CHRDL2: variants seen among roughly 807,000 people sequenced by gnomAD.
The protein encoded by CHRDL2 is chordin-like protein 2.
A neutral mutation model predicts 54.3 loss-of-function variants in CHRDL2; 41 were observed. That is an observed-to-expected ratio of 0.76 (90% CI 0.59 to 0.98). The LOEUF (loss-of-function observed/expected upper bound fraction) is 0.98. Among genes scored for constraint, CHRDL2 ranks in the 50% least tolerant of loss-of-function variants. CHRDL2 has a pLI of 0.00. For missense variants in CHRDL2, 518 were observed against 562.4 expected, an observed-to-expected ratio of 0.92 and a Z score of 0.80; for synonymous variants, 220 against 224.3, an observed-to-expected ratio of 0.98 and a Z score of 0.17.
At chr11:74,700,643 A>ATTATTAT (rs1554984229) in intron 9 of CHRDL2, among the ~76,000 whole-genome samples, 114 of 136,026 alleles carry the variant, frequency 8.4e-4, no homozygotes, top group African/African-American at 1.6e-3. Flanking sequence ...TATTATTATT[A>ATTATTAT]TTTTTTTTTT....
chr11:74,698,877 C>A (rs1311281506), intron 9 of CHRDL2: 1 of 152,314 alleles, frequency 6.6e-6, no homozygotes, highest in African/African-American at 2.4e-5. Flanking sequence ...CTGTTACCCA[C>A]CAAGGTCTCT....
In CHRDL2 at chr11:74,704,509, A is replaced by G. The variant is rs201973079; in HGVS notation, c.728T>C (p.Val243Ala). The change falls in exon 7 of 11, where the codon GTC (valine) becomes GCC (alanine). Residue 243 changes from valine (V) to alanine (A), a missense_variant. By Grantham distance (64) the Val-to-Ala change is moderately conservative. Coordinates refer to ENST00000376332, the MANE Select transcript of CHRDL2 (RefSeq NM_001278473.3). ...ACCTTTCTTATGTTTCTCCTTCAGG[A>G]CGATCTTGACAGTTGTGCTGCCTGC... is the stretch of plus-strand genomic sequence containing the variant. ...KGAGSTTVKIVLKEKHKKACV... is the reference protein window; with the variant it reads ...KGAGSTTVKIALKEKHKKACV... The G allele has an allele frequency of 4.9e-5, 78 of 1,583,180 alleles. No individual in the cohort carries two copies. The highest frequency in any genetic ancestry group is 6.2e-5 in the Non-Finnish European group (72 of 1,169,362).
intron 9 of CHRDL2, 139 bp downstream of exon 9, chr11:74,702,655 G>T: frequency 1.3e-6 from 1 of 754,860 alleles, no homozygotes; most frequent in Non-Finnish European, 2.2e-6. Flanking sequence ...CTGCATCTTG[G>T]AATCAGGGGC....
At chr11:74,706,888 A>G (rs2034027919) in intron 5 of CHRDL2, among the ~76,000 whole-genome samples, 1 of 152,164 alleles carries the variant, frequency 6.6e-6, no homozygotes, top group African/African-American at 2.4e-5. Context: ...CATACCTTTC[A>G]GTATTTACCA....
chr11:74,710,802 A>G lies in CHRDL2; in HGVS notation c.432+47T>C, dbSNP rs1011430324. 1.9e-6 allele frequency: 3 copies of G among 1,595,456 alleles called. No homozygotes were observed. In the South Asian group the frequency reaches 3.4e-5, roughly 18 times the overall value. On this transcript the variant is annotated intron_variant, in intron 4 of 10. Transcript: ENST00000376332. ...CAGTCCAGGCTACTATGTTCTTTGC[A>G]GGCCCAGAGCGCTGGCCTGTGCTGA...
intron 1 of CHRDL2, among the ~76,000 whole-genome samples, chr11:74,721,701 G>A (rs2034502917): frequency 6.6e-6 from 1 of 152,242 alleles, no homozygotes; most frequent in Admixed American, 6.5e-5. Context: ...GAACATGGCT[G>A]GTGAAAACAG....
At chr11:74,699,071 C>G (rs915373543) in intron 9 of CHRDL2, 1 of 152,376 alleles carries the variant, frequency 6.6e-6, no homozygotes, top group African/African-American at 2.4e-5. Context: ...ATGGACCCCC[C>G]CAGCCCAGAT....
intron 5 of CHRDL2, among the ~76,000 whole-genome samples, chr11:74,707,004 C>A (rs915882193): frequency 3.6e-4 from 55 of 152,266 alleles, no homozygotes; most frequent in African/African-American, 1.3e-3. Context: ...CTCCCAGGAC[C>A]CTACACTCCA....
intron 1 of CHRDL2, among the ~76,000 whole-genome samples, chr11:74,721,038 CAA>C (rs2034489778): frequency 6.6e-6 from 1 of 152,206 alleles, no homozygotes; most frequent in African/African-American, 2.4e-5. Context: ...CCCAACTCCG[CAA>C]AGTGGAGGAG....
At chr11:74,707,593 C>T (rs112751977) in intron 5 of CHRDL2, among the ~76,000 whole-genome samples, 136 of 152,254 alleles carry the variant, frequency 8.9e-4, no homozygotes, top group African/African-American at 3.1e-3. Flanking sequence ...CAGGATGAGA[C>T]GTAGTCCTTA....
chr11:74,703,089 A>G lies in CHRDL2; in HGVS notation c.947-122T>C, dbSNP rs2033883953. ...GAACATTACTGATTCTATGTTAACAACCTCTGAATCTATTATCCTGACACC... is the reference window on the plus strand; with the variant it reads ...GAACATTACTGATTCTATGTTAACAGCCTCTGAATCTATTATCCTGACACC... On this transcript the variant is annotated intron_variant, in intron 8 of 10. Coordinates refer to ENST00000376332, the MANE Select transcript of CHRDL2 (RefSeq NM_001278473.3). 5.5e-6 allele frequency: 6 copies of G among 1,084,724 alleles called. No homozygotes were observed. The East Asian group carries it at 1.0e-4, about 18-fold the overall frequency. The allele number at this position is 1,084,724 out of a possible 1,614,324, so 67.2% of individuals were successfully genotyped here.
intron 2 of CHRDL2, among the ~76,000 whole-genome samples, chr11:74,714,542 C>T (rs987107707): frequency 4.6e-5 from 7 of 152,252 alleles, no homozygotes; most frequent in Admixed American, 3.3e-4. Context: ...TTGACTGGCC[C>T]TACGCCTTCT....
At chr11:74,702,679 G>T in intron 9 of CHRDL2, 115 bp downstream of exon 9, 2 of 1,015,854 alleles carry the variant, frequency 2.0e-6, no homozygotes, top group South Asian at 1.4e-5. Flanking sequence ...TAAACCTGGC[G>T]GGGCAGCCAG....
At position 74,712,052 on chromosome 11, in the gene CHRDL2, C is replaced by T. The variant is rs554865165; in HGVS notation, c.290-1061G>A. The stretch of plus-strand genomic sequence containing the variant: ...GTCTCAATCTCTTGACCTTGTGATC[C>T]GCCCGCCTCGGCCTCCCAAAGTGCT... On this transcript the variant is annotated intron_variant, in intron 3 of 10. Coordinates refer to ENST00000376332, the MANE Select transcript of CHRDL2 (RefSeq NM_001278473.3). 2.4e-4 allele frequency among the ~76,000 whole-genome samples: 37 copies of T among 152,050 alleles called. No homozygotes were observed. In the East Asian group the frequency reaches 5.6e-3, roughly 23 times the overall value.
chr11:74,730,988 C>G lies in CHRDL2; in HGVS notation c.-100G>C. The G allele has an allele frequency of 1.1e-6, 1 of 940,890 alleles. No individual in the cohort carries two copies. Among genetic ancestry groups the G allele is most frequent in the East Asian group, 2.7e-5 (1 of 37,688 alleles). The allele number at this position is 940,890 out of a possible 1,614,324, so 58.3% of individuals were successfully genotyped here. On this transcript the variant is annotated 5_prime_UTR_variant, in exon 1 of 11. Coordinates refer to ENST00000376332, the MANE Select transcript of CHRDL2 (RefSeq NM_001278473.3). ...AGGGGCCACAGATCAACCCACAGACCCCAGGAGGTCTGCTGCTAGAGCGGG... is the reference window on the plus strand; with the variant it reads ...AGGGGCCACAGATCAACCCACAGACGCCAGGAGGTCTGCTGCTAGAGCGGG...
chr11:74,729,346 C>A (rs937418345), intron 1 of CHRDL2, among the ~76,000 whole-genome samples: 1 of 152,222 alleles, frequency 6.6e-6, no homozygotes, highest in Non-Finnish European at 1.5e-5. Flanking sequence ...CACTTTAATC[C>A]GTTACCTCCT....
chr11:74,703,011 T>C, intron 8 of CHRDL2, 44 bp from the exon 9 acceptor site: 1 of 1,536,946 alleles, frequency 6.5e-7, no homozygotes, highest in Non-Finnish European at 8.8e-7. Flanking sequence ...AAACGTTGGC[T>C]GTACCTCTTC....
At position 74,715,191 on chromosome 11, in the gene CHRDL2, T is replaced by C. The variant is rs143730638; in HGVS notation, c.196-1712A>G. Among the ~76,000 whole-genome samples, 585 of 152,326 alleles carry C rather than the reference T, an allele frequency of 3.8e-3. 1 individual carries two copies. Among genetic ancestry groups the C allele is most frequent in the African/African-American group, 0.014 (567 of 41,570 alleles). Reference sequence around the variant, plus strand: ...TAGACGTGGACTCATTCACGCTCAATACTTGCTGCAGGTCTACTGGGTGCC... The same window carrying C: ...TAGACGTGGACTCATTCACGCTCAACACTTGCTGCAGGTCTACTGGGTGCC... On this transcript the variant is annotated intron_variant, in intron 2 of 10. Coordinates refer to ENST00000376332, the MANE Select transcript of CHRDL2 (RefSeq NM_001278473.3).
chr11:74,701,945 T>C (rs2033826444), intron 9 of CHRDL2, among the ~76,000 whole-genome samples: 1 of 152,162 alleles, frequency 6.6e-6, no homozygotes, highest in South Asian at 2.1e-4. Flanking sequence ...AACTGAACTT[T>C]CAGCAATTTC....
Sources: allele counts gnomAD v4.1 joint callset (sites outside exome capture counted in the v4.1 genomes callset), GRCh38; gene constraint gnomAD v4.1.1; transcripts MANE v1.5; gene names NCBI Gene and HGNC (gene_info 2026-07-23, HGNC 2026-07-21).